SCHIP1: variants seen among roughly 807,000 people sequenced by gnomAD.
SCHIP1 encodes the protein schwannomin interacting protein 1.
SCHIP1 carries 8 observed loss-of-function variants against 29.7 expected under a neutral mutation model. The observed-to-expected ratio is 0.27, with a 90% CI of 0.16 to 0.49. The LOEUF (loss-of-function observed/expected upper bound fraction) is 0.49, where lower values mean the gene tolerates loss of function less well. SCHIP1 is among the 20% of genes least tolerant of loss of function. The pLI is 0.99. For synonymous variants in SCHIP1, 76 were observed against 94.9 expected (o/e 0.80, Z 1.16); for missense variants, 193 against 294.6 (o/e 0.66, Z 2.52).
At chr3:159,811,974 G>GTTTTTTTTTTTTTTTT in the SCHIP1 span, among the ~76,000 whole-genome samples, 2 of 138,590 alleles carry the variant, frequency 1.4e-5, no homozygotes, top group African/African-American at 2.7e-5. Flanking sequence ...TTTTGTTTTT[G>GTTTTTTTTTTTTTTTT]TTTTTGTTTT....
chr3:159,619,573 C>G, the SCHIP1 span, among the ~76,000 whole-genome samples: 1 of 152,230 alleles, frequency 6.6e-6, no homozygotes, highest in Non-Finnish European at 1.5e-5. Flanking sequence ...GTCTTAACAT[C>G]CCTGTAAATG....
the SCHIP1 span, among the ~76,000 whole-genome samples, chr3:159,495,078 A>G: frequency 6.6e-6 from 1 of 152,228 alleles, no homozygotes; most frequent in African/African-American, 2.4e-5. Context: ...AAAAACTCTC[A>G]ATAAGTTAGG....
chr3:159,619,133 A>T, the SCHIP1 span, among the ~76,000 whole-genome samples: 1 of 152,232 alleles, frequency 6.6e-6, no homozygotes, highest in Non-Finnish European at 1.5e-5. Flanking sequence ...AATACAAAAA[A>T]ATAAAGTTTC....
the SCHIP1 span, among the ~76,000 whole-genome samples, chr3:159,561,838 A>AGAAT: frequency 6.6e-6 from 1 of 152,200 alleles, no homozygotes; most frequent in African/African-American, 2.4e-5. Context: ...CTGGAGCAAT[A>AGAAT]GAATTCTGCC....
chr3:159,571,054 G>T, the SCHIP1 span, among the ~76,000 whole-genome samples: 3 of 152,248 alleles, frequency 2.0e-5, no homozygotes, highest in Admixed American at 2.0e-4. Context: ...AGACGACGGG[G>T]TTTTCTAAAT....
At chr3:159,741,661 AGAAAAGGCCATATG>A in the SCHIP1 span, among the ~76,000 whole-genome samples, 1 of 152,252 alleles carries the variant, frequency 6.6e-6, no homozygotes, top group South Asian at 2.1e-4. Flanking sequence ...TAAAGAACAT[AGAAAAGGCCATATG>A]GGATCAAACT....
chr3:159,523,075 C>T, the SCHIP1 span, among the ~76,000 whole-genome samples: 1 of 152,198 alleles, frequency 6.6e-6, no homozygotes. Context: ...ATACTCTCAA[C>T]CACCTTCACC....
chr3:159,693,728 A>G, the SCHIP1 span, among the ~76,000 whole-genome samples: 13 of 152,252 alleles, frequency 8.5e-5, no homozygotes, highest in Non-Finnish European at 1.8e-4. Flanking sequence ...CAACAATGAA[A>G]ATTCTCCAAT....
At chr3:159,727,924 G>GTT in the SCHIP1 span, among the ~76,000 whole-genome samples, 137 of 125,824 alleles carry the variant, frequency 1.1e-3, 3 homozygotes, top group South Asian at 0.011. Flanking sequence ...CTTTTTTGTT[G>GTT]TTTTTTTTTT....
the SCHIP1 span, among the ~76,000 whole-genome samples, chr3:159,792,927 G>A: frequency 6.6e-6 from 1 of 152,146 alleles, no homozygotes; most frequent in Non-Finnish European, 1.5e-5. Context: ...TTTGTTCATA[G>A]CCTTAAGCAA....
At chr3:159,417,856 G>T in the SCHIP1 span, among the ~76,000 whole-genome samples, 2 of 152,178 alleles carry the variant, frequency 1.3e-5, no homozygotes, top group Non-Finnish European at 1.5e-5. Flanking sequence ...TTAAGAATTT[G>T]TCTCAGCTCG....
At chr3:159,321,154 G>A in the SCHIP1 span, among the ~76,000 whole-genome samples, 3,250 of 152,136 alleles carry the variant, frequency 0.021, 69 homozygotes, top group Non-Finnish European at 0.027. Flanking sequence ...TGGTAGAGAC[G>A]GGGTTTCACC....
rs563285269 is a variant in SCHIP1 at position 159,842,538 on chromosome 3, A to G, written c.30+2324A>G. On this transcript the variant is annotated intron_variant, in intron 1 of 6. Coordinates refer to ENST00000445224, the Ensembl canonical transcript of SCHIP1. ...TCCCATATCTCAAAAATTTTAGTTT[A>G]TCATCCTGCTCAGAGTAAAAATCCA... Among the ~76,000 whole-genome samples the G allele has an allele frequency of 4.4e-4, 67 of 152,322 alleles. 2 individuals carry two copies. The highest frequency in any genetic ancestry group is 6.8e-3 in the Middle Eastern group (2 of 294).
At chr3:159,828,452 C>CATATATAT in the SCHIP1 span, among the ~76,000 whole-genome samples, 1 of 116,944 alleles carries the variant, frequency 8.6e-6, no homozygotes, top group African/African-American at 3.5e-5. Context: ...TATATATATA[C>CATATATAT]GTATATATAT....
the SCHIP1 span, among the ~76,000 whole-genome samples, chr3:159,523,388 CCAT>C: frequency 6.6e-6 from 1 of 152,168 alleles, no homozygotes. Flanking sequence ...GATTCCTCCT[CCAT>C]CATCTTTTCT....
At chr3:159,289,014 T>G in the SCHIP1 span, among the ~76,000 whole-genome samples, 1 of 152,234 alleles carries the variant, frequency 6.6e-6, no homozygotes, top group African/African-American at 2.4e-5. Context: ...TCTTTACCAC[T>G]ATTCCATCTT....
At chr3:159,787,829 C>T in the SCHIP1 span, among the ~76,000 whole-genome samples, 1 of 152,144 alleles carries the variant, frequency 6.6e-6, no homozygotes, top group South Asian at 2.1e-4. Flanking sequence ...TAAGTCCTCC[C>T]CTCTGGCCAC....
chr3:159,474,821 T>C, the SCHIP1 span, among the ~76,000 whole-genome samples: 1 of 152,162 alleles, frequency 6.6e-6, no homozygotes, highest in African/African-American at 2.4e-5. Context: ...TGCAGATAAA[T>C]TGAATATGTC....
At chr3:159,626,126 A>ATAGG in the SCHIP1 span, among the ~76,000 whole-genome samples, 277 of 123,698 alleles carry the variant, frequency 2.2e-3, 7 homozygotes, top group Non-Finnish European at 2.9e-3. Flanking sequence ...AGATAGATAG[A>ATAGG]TAGATAGATA....
Sources: allele counts gnomAD v4.1 joint callset (sites outside exome capture counted in the v4.1 genomes callset), GRCh38; gene constraint gnomAD v4.1.1; transcripts MANE v1.5; gene names NCBI Gene and HGNC (gene_info 2026-07-23, HGNC 2026-07-21).